Variants in PHACTR1 observed in about 807,000 individuals in gnomAD.
The protein encoded by PHACTR1 is phosphatase and actin regulator 1.
PHACTR1 carries 16 observed loss-of-function variants against 69.2 expected under a neutral mutation model. That is an observed-to-expected ratio of 0.23 (90% CI 0.16 to 0.35). PHACTR1 has a LOEUF of 0.35. Among genes scored for constraint, PHACTR1 ranks in the 10% least tolerant of loss-of-function variants. The pLI is 1.00. For synonymous variants in PHACTR1, 312 were observed against 284.5 expected (o/e 1.10, Z -0.97); for missense variants, 510 against 734.7 (o/e 0.69, Z 3.54).
At chr6:12,831,670 C>G (rs1389943314) in intron 4 of PHACTR1, among the ~76,000 whole-genome samples, 1 of 152,154 alleles carries the variant, frequency 6.6e-6, no homozygotes, top group Non-Finnish European at 1.5e-5. Flanking sequence ...ACTGACACAA[C>G]AAGAATGACA....
chr6:12,802,262 T>A (rs1773795148), intron 4 of PHACTR1, among the ~76,000 whole-genome samples: 1 of 144,402 alleles, frequency 6.9e-6, no homozygotes, highest in Non-Finnish European at 1.5e-5. Flanking sequence ...TCCAACATAA[T>A]AACTTATTGA....
intron 4 of PHACTR1, among the ~76,000 whole-genome samples, chr6:12,929,212 T>C (rs897863114): frequency 1.3e-5 from 2 of 152,152 alleles, no homozygotes; most frequent in African/African-American, 4.8e-5. Flanking sequence ...AATTTGTGCT[T>C]CAGAGTTTCC....
chr6:13,194,916 C>T (rs1044337052), intron 7 of PHACTR1, among the ~76,000 whole-genome samples: 2 of 152,104 alleles, frequency 1.3e-5, no homozygotes, highest in African/African-American at 4.8e-5. Context: ...GGACGGTCCT[C>T]ACGGAGGCCA....
chr6:13,164,350 C>G (rs538406874), intron 6 of PHACTR1, among the ~76,000 whole-genome samples: 3 of 152,290 alleles, frequency 2.0e-5, no homozygotes, highest in Admixed American at 6.5e-5. Context: ...AGATTCGGAG[C>G]AATCATTCCA....
chr6:12,812,716 AT>A (rs1775162738), intron 4 of PHACTR1, among the ~76,000 whole-genome samples: 1 of 152,178 alleles, frequency 6.6e-6, no homozygotes, highest in Non-Finnish European at 1.5e-5. Flanking sequence ...CGAGCACAAC[AT>A]TTCAGAGTAG....
At position 12,797,040 on chromosome 6, in the gene PHACTR1, T is replaced by TGTGTGTGA. The variant is rs563796658; in HGVS notation, c.250+47251_250+47252insTGTGTGAG. ...GTGTGTGTGTGTGTGTGTGTGTGTG[T>TGTGTGTGA]GAGAGAGAGAGAGAGAGGGATATGA... On this transcript the variant is annotated intron_variant, in intron 4 of 14. Transcript: ENST00000332995. 9.9e-3 allele frequency among the ~76,000 whole-genome samples: 1,324 copies of TGTGTGTGA among 133,368 alleles called. 15 individuals carry two copies. The highest frequency in any genetic ancestry group is 0.025 in the East Asian group (108 of 4,276). The allele number at this position is 133,368 out of a possible 152,430, so 87.5% of individuals were successfully genotyped here.
intron 4 of PHACTR1, among the ~76,000 whole-genome samples, chr6:12,811,728 C>G (rs1158399990): frequency 6.6e-6 from 1 of 152,170 alleles, no homozygotes; most frequent in African/African-American, 2.4e-5. Context: ...TGAAGCAGCT[C>G]TGGTCTGGGC....
intron 5 of PHACTR1, among the ~76,000 whole-genome samples, chr6:13,076,741 G>A (rs1218510424): frequency 6.6e-6 from 1 of 151,958 alleles, no homozygotes; most frequent in Non-Finnish European, 1.5e-5. Context: ...GTTCAAGGTT[G>A]GAAAGAGAGA....
At chr6:13,282,663 T>TA (rs777269862) in intron 12 of PHACTR1, among the ~76,000 whole-genome samples, 1 of 152,174 alleles carries the variant, frequency 6.6e-6, no homozygotes, top group Non-Finnish European at 1.5e-5. Context: ...CATTTGCACA[T>TA]ACGCTTTTTT....
intron 4 of PHACTR1, among the ~76,000 whole-genome samples, chr6:12,826,274 T>G (rs902666889): frequency 3.9e-5 from 6 of 152,210 alleles, no homozygotes; most frequent in African/African-American, 1.4e-4. Flanking sequence ...ATTTAAAATG[T>G]GTCTCCCCCT....
rs560968865 is a variant in PHACTR1 at position 13,276,494 on chromosome 6, G to A, written c.1448-1774G>A. On this transcript the variant is annotated intron_variant, in intron 11 of 14. Transcript: ENST00000332995. ...TCCTTTAAAGACCTGTCCCAAGGCC[G>A]GGCGCGGTGGCTCACGCCTATAATC... Among the ~76,000 whole-genome samples, 6 of 152,314 alleles carry A rather than the reference G, an allele frequency of 3.9e-5. No homozygotes were observed. In the East Asian group the frequency reaches 7.7e-4, roughly 20 times the overall value.
intron 4 of PHACTR1, among the ~76,000 whole-genome samples, chr6:12,928,445 G>T (rs1269996212): frequency 6.6e-6 from 1 of 152,104 alleles, no homozygotes; most frequent in Non-Finnish European, 1.5e-5. Context: ...AGGGCATGAT[G>T]GGATTTGTCT....
chr6:13,250,972 T>G (rs1249654395), intron 10 of PHACTR1, among the ~76,000 whole-genome samples: 2 of 151,948 alleles, frequency 1.3e-5, no homozygotes, highest in African/African-American at 2.4e-5. Context: ...TACATGACAC[T>G]TATTGTATGA....
intron 4 of PHACTR1, among the ~76,000 whole-genome samples, chr6:12,814,935 C>A (rs1160207644): frequency 2.0e-5 from 3 of 152,170 alleles, no homozygotes; most frequent in Admixed American, 2.0e-4. Flanking sequence ...GTGAATTGAG[C>A]ACAGTTGCAA....
chr6:12,999,561 T>C (rs1199233775), intron 4 of PHACTR1, among the ~76,000 whole-genome samples: 1 of 152,172 alleles, frequency 6.6e-6, no homozygotes, highest in African/African-American at 2.4e-5. Flanking sequence ...ACGGCGCCAC[T>C]GCACTCCAGC....
chr6:12,816,273 C>T (rs1775568819), intron 4 of PHACTR1, among the ~76,000 whole-genome samples: 1 of 152,214 alleles, frequency 6.6e-6, no homozygotes, highest in Non-Finnish European at 1.5e-5. Context: ...TTGTGGGAAG[C>T]CCCATGCTTT....
At chr6:13,053,613 C>A in intron 5 of PHACTR1, 84 bp downstream of exon 5, 1 of 1,447,700 alleles carries the variant, frequency 6.9e-7, no homozygotes, top group Non-Finnish European at 9.3e-7. Flanking sequence ...TTGCAATAGG[C>A]TGTTTGAACC....
intron 4 of PHACTR1, among the ~76,000 whole-genome samples, chr6:12,983,896 A>G (rs1034382739): frequency 2.0e-5 from 3 of 152,214 alleles, no homozygotes; most frequent in Non-Finnish European, 4.4e-5. Context: ...TTATCGCTGC[A>G]TAGTATTCCA....
chr6:13,142,897 C>A (rs1822721265), intron 5 of PHACTR1, among the ~76,000 whole-genome samples: 1 of 151,974 alleles, frequency 6.6e-6, no homozygotes, highest in Non-Finnish European at 1.5e-5. Context: ...AATTAAAAAC[C>A]TTGCCAAAAG....
Sources: allele counts gnomAD v4.1 joint callset (sites outside exome capture counted in the v4.1 genomes callset), GRCh38; gene constraint gnomAD v4.1.1; transcripts MANE v1.5; gene names NCBI Gene and HGNC (gene_info 2026-07-23, HGNC 2026-07-21).